Variants in PAM observed in about 807,000 individuals in gnomAD.
PAM encodes the protein peptidylglycine alpha-amidating monooxygenase.
PAM carries 72 observed loss-of-function variants against 122.1 expected under a neutral mutation model. The ratio of observed to expected loss-of-function variants is 0.59; its 90% confidence interval spans 0.49 to 0.72. PAM has a LOEUF of 0.72. Among genes scored for constraint, PAM ranks in the 30% least tolerant of loss-of-function variants. The probability of loss-of-function intolerance (pLI) is 0.00; values close to 1 mark genes in which losing one functional copy is unlikely to be tolerated. For synonymous variants in PAM, 389 were observed against 404.4 expected, an observed-to-expected ratio of 0.96 and a Z score of 0.46; for missense variants, 1,106 against 1,183.7, an observed-to-expected ratio of 0.93 and a Z score of 0.96.
intron 1 of PAM, among the ~76,000 whole-genome samples, chr5:102,790,268 C>T (rs1248187111): frequency 3.3e-5 from 5 of 152,168 alleles, no homozygotes; most frequent in Admixed American, 1.3e-4. Context: ...CGAATGTGTC[C>T]TGGCTATGCC....
At chr5:102,806,718 G>T (rs1766329455) in intron 1 of PAM, among the ~76,000 whole-genome samples, 1 of 152,102 alleles carries the variant, frequency 6.6e-6, no homozygotes. Flanking sequence ...GAAAGCTTTT[G>T]TACTTTACCT....
chr5:102,785,485 A>G (rs912902699), intron 1 of PAM, among the ~76,000 whole-genome samples: 2 of 152,190 alleles, frequency 1.3e-5, no homozygotes, highest in African/African-American at 4.8e-5. Context: ...CTTTAGAAGT[A>G]TCATGTGGAG....
chr5:102,889,245 G>A (rs1794059228), intron 3 of PAM, among the ~76,000 whole-genome samples: 1 of 151,914 alleles, frequency 6.6e-6, no homozygotes, highest in South Asian at 2.1e-4. Context: ...TTTGTGGGAG[G>A]AACTGGCAGA....
At chr5:102,792,677 G>A (rs1762347888) in intron 1 of PAM, among the ~76,000 whole-genome samples, 1 of 152,300 alleles carries the variant, frequency 6.6e-6, no homozygotes, top group South Asian at 2.1e-4. Flanking sequence ...TACATTAGAA[G>A]TCTTCCCTAT....
intron 1 of PAM, among the ~76,000 whole-genome samples, chr5:102,850,574 GA>G (rs1781112159): frequency 2.0e-5 from 3 of 152,194 alleles, no homozygotes; most frequent in Admixed American, 2.0e-4. Flanking sequence ...CTCACTGGCA[GA>G]GGGAAAAAGA....
chr5:102,969,376 T>C (rs1447926971), intron 14 of PAM, among the ~76,000 whole-genome samples: 1 of 150,526 alleles, frequency 6.6e-6, no homozygotes, highest in Non-Finnish European at 1.5e-5. Flanking sequence ...GTGTCCAAGG[T>C]GGGTAGGGTG....
At chr5:103,024,967 C>T (rs1037688461) in intron 23 of PAM, among the ~76,000 whole-genome samples, 164 bp from the exon 24 acceptor site, 4 of 152,038 alleles carry the variant, frequency 2.6e-5, no homozygotes, top group African/African-American at 9.7e-5. Context: ...ATCACAATGC[C>T]TGCTGCCAGT....
chr5:102,865,941 G>A lies in PAM; in HGVS notation c.-255G>A, dbSNP rs1785417569. On this transcript the variant is annotated 5_prime_UTR_variant, in exon 2 of 26. Coordinates refer to ENST00000438793, the MANE Select transcript of PAM (RefSeq NM_001177306.2). ...CCAGGGCACGCGAGCGGCGCTGGAG[G>A]GAGGAAAGCTTCCGCCTGCGGGCCG... is the stretch of plus-strand genomic sequence containing the variant. 1 of 418,372 alleles carries A rather than the reference G, an allele frequency of 2.4e-6. No homozygotes were observed. Among genetic ancestry groups the A allele is most frequent in the Non-Finnish European group, 4.2e-6 (1 of 239,556 alleles). 25.9% of individuals were successfully genotyped at this position (418,372 alleles called of 1,614,324 possible). A position where few individuals can be genotyped will look rare whatever the true frequency, so the allele number is the denominator to read the frequency against.
intron 21 of PAM, among the ~76,000 whole-genome samples, chr5:103,011,981 G>A (rs1183356405): frequency 6.6e-6 from 1 of 152,118 alleles, no homozygotes; most frequent in Non-Finnish European, 1.5e-5. Flanking sequence ...ATATCTTATT[G>A]TAGTTTCGAT....
chr5:102,980,650 T>C (rs1035868194), intron 15 of PAM, among the ~76,000 whole-genome samples: 1 of 152,166 alleles, frequency 6.6e-6, no homozygotes, highest in African/African-American at 2.4e-5. Flanking sequence ...TTTCATCGTA[T>C]AGGGAATAGC....
chr5:102,865,399 G>GT (rs1313132222), intron 1 of PAM: 2 of 152,136 alleles, frequency 1.3e-5, no homozygotes. Flanking sequence ...GCCTCTCTTC[G>GT]TTTTTTGTTT....
chr5:102,872,855 A>C (rs1184665967), intron 3 of PAM, among the ~76,000 whole-genome samples: 1 of 152,184 alleles, frequency 6.6e-6, no homozygotes, highest in Non-Finnish European at 1.5e-5. Context: ...TGTGTAAAAA[A>C]GATGTACGTA....
rs2151075150 is a variant in PAM at position 103,007,346 on chromosome 5, CT to C, written c.2015-110del. ...TAAACTGCTTTACCTTATCTTTCCCCTGGCTCCAGGCATTTAATGGTTTACT... is the reference window on the plus strand; with the variant it reads ...TAAACTGCTTTACCTTATCTTTCCCCGGCTCCAGGCATTTAATGGTTTACT... On this transcript the variant is annotated intron_variant, in intron 19 of 25. Coordinates refer to ENST00000438793, the MANE Select transcript of PAM (RefSeq NM_001177306.2). The C allele has an allele frequency of 3.6e-6, 3 of 830,334 alleles. No individual in the cohort carries two copies. The East Asian group carries it at 7.3e-5, about 20-fold the overall frequency. The allele number at this position is 830,334 out of a possible 1,614,324, so 51.4% of individuals were successfully genotyped here.
intron 5 of PAM, among the ~76,000 whole-genome samples, chr5:102,915,134 A>G (rs1802707366): frequency 6.6e-6 from 1 of 152,076 alleles, no homozygotes; most frequent in Non-Finnish European, 1.5e-5. Context: ...AATCACTGTC[A>G]CACATTTAAT....
intron 1 of PAM, among the ~76,000 whole-genome samples, chr5:102,774,418 C>T (rs1411471915): frequency 6.6e-6 from 1 of 152,026 alleles, no homozygotes; most frequent in Non-Finnish European, 1.5e-5. Context: ...AGTGAGACTA[C>T]CTTGCCTTCG....
intron 12 of PAM, 143 bp from the exon 13 acceptor site, chr5:102,959,732 G>T (rs895290193): frequency 9.9e-6 from 6 of 608,064 alleles, no homozygotes; most frequent in Non-Finnish European, 1.2e-5. Context: ...ACTGTGATGG[G>T]TTTTAATGAA....
chr5:102,960,530 G>A (rs1453013470), intron 13 of PAM, among the ~76,000 whole-genome samples: 1 of 151,956 alleles, frequency 6.6e-6, no homozygotes, highest in Non-Finnish European at 1.5e-5. Flanking sequence ...GTGAAGCATT[G>A]CTAGTCTTGA....
intron 1 of PAM, among the ~76,000 whole-genome samples, chr5:102,776,105 T>C (rs955840108): frequency 6.6e-6 from 1 of 152,226 alleles, no homozygotes; most frequent in Admixed American, 6.5e-5. Context: ...TGTTGAGCTT[T>C]TTTTCATATG....
chr5:102,939,848 G>A (rs948854179), intron 7 of PAM, among the ~76,000 whole-genome samples: 7 of 151,920 alleles, frequency 4.6e-5, no homozygotes, highest in Non-Finnish European at 8.8e-5. Flanking sequence ...ATTGTAAATA[G>A]ATTAAGATGA....
Sources: allele counts gnomAD v4.1 joint callset (sites outside exome capture counted in the v4.1 genomes callset), GRCh38; gene constraint gnomAD v4.1.1; transcripts MANE v1.5; gene names NCBI Gene and HGNC (gene_info 2026-07-23, HGNC 2026-07-21).